The following FHOD3 variants were observed in gnomAD, a reference collection of about 807,000 sequenced individuals.
The protein encoded by FHOD3 is formin homology 2 domain containing 3.
Under a neutral mutation model 173.0 loss-of-function variants are expected in FHOD3, and 90 were observed. That is an observed-to-expected ratio of 0.52 (90% CI 0.44 to 0.62). The LOEUF is 0.62. FHOD3 is among the 20% of genes least tolerant of loss of function. The pLI is 0.00. For missense variants in FHOD3, 1,945 were observed against 2,034.7 expected (o/e 0.96, Z 0.85); for synonymous variants, 828 against 823.0 (o/e 1.01, Z -0.10).
intron 3 of FHOD3, among the ~76,000 whole-genome samples, chr18:36,489,205 G>A (rs532555446): frequency 1.3e-5 from 2 of 151,730 alleles, no homozygotes; most frequent in Non-Finnish European, 2.9e-5. Context: ...GCTACCAGGA[G>A]CCCTGGATGC....
At chr18:36,311,375 G>A (rs1248771022) in intron 1 of FHOD3, among the ~76,000 whole-genome samples, 1 of 152,136 alleles carries the variant, frequency 6.6e-6, no homozygotes, top group Non-Finnish European at 1.5e-5. Context: ...CTTGATGTCA[G>A]ATTCTGCTGG....
chr18:36,527,441 G>A (rs930584503), intron 5 of FHOD3, among the ~76,000 whole-genome samples: 25 of 152,148 alleles, frequency 1.6e-4, no homozygotes, highest in African/African-American at 6.0e-4. Flanking sequence ...TGGGCTCCTC[G>A]AATAACAAAA....
intron 3 of FHOD3, among the ~76,000 whole-genome samples, chr18:36,499,636 A>G (rs950791736): frequency 1.3e-5 from 2 of 152,190 alleles, no homozygotes; most frequent in African/African-American, 4.8e-5. Context: ...CACCCCAGAG[A>G]CCAGGGTTCT....
At chr18:36,731,336 G>A (rs1256312774) in intron 20 of FHOD3, among the ~76,000 whole-genome samples, 1 of 152,192 alleles carries the variant, frequency 6.6e-6, no homozygotes, top group Admixed American at 6.5e-5. Flanking sequence ...CCGCACAGCT[G>A]GTAGCTGGAG....
intron 3 of FHOD3, among the ~76,000 whole-genome samples, chr18:36,436,324 T>G (rs1376119809): frequency 6.6e-6 from 1 of 152,216 alleles, no homozygotes; most frequent in Non-Finnish European, 1.5e-5. Context: ...TGTTGATTTT[T>G]TTTATTTAAA....
intron 5 of FHOD3, among the ~76,000 whole-genome samples, chr18:36,534,087 A>G (rs2056894158): frequency 1.3e-5 from 2 of 152,178 alleles, no homozygotes; most frequent in African/African-American, 4.8e-5. Flanking sequence ...TCCTTCCCAG[A>G]GTCCACATCA....
chr18:36,526,884 G>C lies in FHOD3; in HGVS notation c.511+14341G>C, dbSNP rs958024699. Among the ~76,000 whole-genome samples, 79 of 152,194 alleles carry C rather than the reference G, an allele frequency of 5.2e-4. 1 individual carries two copies. The highest frequency in any genetic ancestry group is 1.8e-3 in the African/African-American group (76 of 41,448). On this transcript the variant is annotated intron_variant, in intron 5 of 28. Transcript: ENST00000590592. ...AGGAGATATGTAACGTGGTGACTTTGTTTCTGAAATCATGTGGATTACAGA... is the reference window on the plus strand; with the variant it reads ...AGGAGATATGTAACGTGGTGACTTTCTTTCTGAAATCATGTGGATTACAGA...
intron 14 of FHOD3, among the ~76,000 whole-genome samples, chr18:36,674,810 G>A (rs1266887446): frequency 6.6e-6 from 1 of 152,126 alleles, no homozygotes; most frequent in Non-Finnish European, 1.5e-5. Flanking sequence ...ATGCAAGCAC[G>A]TGCCCCTGGG....
chr18:36,309,865 G>C (rs2092208320), intron 1 of FHOD3, among the ~76,000 whole-genome samples: 2 of 152,226 alleles, frequency 1.3e-5, no homozygotes, highest in African/African-American at 4.8e-5. Flanking sequence ...AGTTTACTAG[G>C]CACTGGGACA....
intron 24 of FHOD3, among the ~76,000 whole-genome samples, chr18:36,751,910 C>T (rs896474590): frequency 1.3e-5 from 2 of 152,014 alleles, no homozygotes; most frequent in African/African-American, 2.4e-5. Context: ...TGTTATTAGT[C>T]GATTCTCATG....
rs2040565898 is a variant in FHOD3, at chr18:36,718,192, C to A, written c.2894C>A (p.Pro965Gln). 1.2e-6 allele frequency: 2 copies of A among 1,613,636 alleles called. No individual in the cohort carries two copies. Among genetic ancestry groups the A allele is most frequent in the Admixed American group, 1.7e-5 (1 of 59,972 alleles). ...GATGCTGAGCCCAATGACAAGGTCC[C>A]AGAAACAGCGCCGGTGCAGCCGAAG... ...SPDAEPNDKV[P>Q]ETAPVQPKTE... Residue 965 changes from proline (P) to glutamine (Q), a missense_variant, in exon 19 of 29, where the codon CCA becomes CAA. Around this residue, in one of 5 missense-constraint regions of FHOD3, gnomAD observed 1,099 missense variants for 1,051.2 expected, o/e 1.05. Coordinates refer to ENST00000590592, the MANE Select transcript of FHOD3 (RefSeq NM_001281740.3).
chr18:36,729,359 T>C lies in FHOD3; in HGVS notation c.3418-1287T>C, dbSNP rs528397471. 3.3e-5 allele frequency among the ~76,000 whole-genome samples: 5 copies of C among 152,268 alleles called. No individual in the cohort carries two copies. In the East Asian group the frequency reaches 7.7e-4, roughly 23 times the overall value. On this transcript the variant is annotated intron_variant, in intron 19 of 28. Coordinates refer to ENST00000590592, the MANE Select transcript of FHOD3 (RefSeq NM_001281740.3). ...CACCTGCACCCAACTTCCTGAGAGC[T>C]GAAGAGGAAAGCTGGGGGCCTTGTG...
chr18:36,777,947 G>A (rs2043807896), intron 28 of FHOD3: 1 of 152,190 alleles, frequency 6.6e-6, no homozygotes, highest in Admixed American at 6.5e-5. Flanking sequence ...CTTGATGTCT[G>A]TGTTTTGATT....
intron 18 of FHOD3, 42 bp downstream of exon 18, chr18:36,709,433 GC>G: frequency 6.3e-7 from 1 of 1,579,340 alleles, no homozygotes; most frequent in Non-Finnish European, 8.6e-7. Context: ...TGCCAGGGAG[GC>G]CTGGGGTGCA....
At chr18:36,380,064 C>T (rs771548035) in intron 3 of FHOD3, among the ~76,000 whole-genome samples, 16 of 151,880 alleles carry the variant, frequency 1.1e-4, no homozygotes, top group Non-Finnish European at 1.8e-4. Flanking sequence ...AGCATTTTAA[C>T]TCAGAAAAAA....
chr18:36,367,284 G>A (rs1226404406), intron 2 of FHOD3, among the ~76,000 whole-genome samples: 1 of 152,154 alleles, frequency 6.6e-6, no homozygotes, highest in Non-Finnish European at 1.5e-5. Flanking sequence ...ATTTTAGATA[G>A]TCCCCTTGGC....
intron 24 of FHOD3, among the ~76,000 whole-genome samples, chr18:36,749,881 G>T (rs188824141): frequency 5.3e-5 from 8 of 151,624 alleles, no homozygotes; most frequent in African/African-American, 1.9e-4. Context: ...CATTTTCACT[G>T]ATGTGAGATG....
intron 8 of FHOD3, among the ~76,000 whole-genome samples, chr18:36,605,373 A>T (rs2148527011): frequency 6.6e-6 from 1 of 152,124 alleles, no homozygotes; most frequent in Non-Finnish European, 1.5e-5. Context: ...ACTGGCAGAG[A>T]CCCAGTGCCT....
In FHOD3 at chr18:36,681,587, GA is replaced by G; in HGVS notation, c.1970+18del. 6.3e-7 allele frequency: 1 copy of G among 1,586,512 alleles called. No individual in the cohort carries two copies. The highest frequency in any genetic ancestry group is 1.5e-5 in the African/African-American group (1 of 65,048). ...CAAATTCAGGTAAGAAGGATCTTAA[GA>G]TTTTTTTTAAATAGTGAGTTAAAAA... On this transcript the variant is annotated intron_variant, in intron 15 of 28. Transcript: ENST00000590592.
Sources: gnomAD v4.1 joint callset for allele counts (sites outside exome capture counted in the v4.1 genomes callset) on GRCh38, gnomAD v4.1.1 for gene constraint, gnomAD v4.1.1 regional missense constraint, MANE v1.5 for transcripts, NCBI Gene and HGNC (gene_info 2026-07-23, HGNC 2026-07-21) for gene names.